SETD3: variants seen among roughly 807,000 people sequenced by gnomAD.
SETD3 encodes the protein actin-histidine N-methyltransferase.
In SETD3, 19 loss-of-function variants were observed where a neutral mutation model predicts 63.0. The observed-to-expected ratio is 0.30, with a 90% CI of 0.21 to 0.44. The LOEUF is 0.44. SETD3 is among the 20% of genes least tolerant of loss of function. SETD3 has a pLI of 1.00. For synonymous variants in SETD3, 286 were observed against 264.1 expected (o/e 1.08, Z -0.80); for missense variants, 587 against 728.5 (o/e 0.81, Z 2.24).
At chr14:99,484,556 T>C (rs773492839), upstream of SETD3, among the ~76,000 whole-genome samples, 2 of 152,260 alleles carry the variant, frequency 1.3e-5, no homozygotes, top group Non-Finnish European at 2.9e-5. Context: ...CAAGGCTTAG[T>C]TTAAGGACCC....
intron 8 of SETD3, chr14:99,410,205 T>C (rs1381081117): frequency 2.5e-6 from 4 of 1,613,510 alleles, no homozygotes; most frequent in Non-Finnish European, 3.4e-6. Context: ...AGCGAAGGAA[T>C]CTTCTGGTGT....
intron 4 of SETD3, among the ~76,000 whole-genome samples, chr14:99,460,703 GC>G (rs1895019972): frequency 6.6e-6 from 1 of 152,182 alleles, no homozygotes; most frequent in Non-Finnish European, 1.5e-5. Context: ...GGGAGAAAAA[GC>G]CCTTCTTCCT....
intron 1 of SETD3, among the ~76,000 whole-genome samples, chr14:99,470,504 G>A (rs1895642451): frequency 6.6e-6 from 1 of 152,126 alleles, no homozygotes; most frequent in African/African-American, 2.4e-5. Context: ...TATCTCCCTA[G>A]GGCACAGGAT....
chr14:99,421,894 T>C (rs1322909433), intron 6 of SETD3, among the ~76,000 whole-genome samples: 2 of 152,184 alleles, frequency 1.3e-5, no homozygotes, highest in African/African-American at 2.4e-5. Flanking sequence ...TAAATAGTCT[T>C]ATAAAGTCTA....
At chr14:99,437,664 C>T (rs1028246800) in intron 6 of SETD3, among the ~76,000 whole-genome samples, 5 of 151,994 alleles carry the variant, frequency 3.3e-5, no homozygotes, top group South Asian at 2.1e-4. Context: ...GATGTGTGTG[C>T]GTGCCTGTAC....
chr14:99,405,294 G>C lies in SETD3; in HGVS notation c.1002C>G (p.His334Gln), dbSNP rs769526638. Residue 334 changes from histidine to glutamine, a missense_variant, in exon 10 of 13, where the codon CAC becomes CAG. Transcript: ENST00000331768. ...CTCCAAGCTTTATTTTCACTCTGTC[G>C]TGTGAGTTATTGTCAAAGAAAAAAC... ...HSGFFFDNNS[H>Q]DRVKIKLGVS... 2 of 1,613,948 alleles carry C rather than the reference G, an allele frequency of 1.2e-6. No individual in the cohort carries two copies.
intron 9 of SETD3, 104 bp from the exon 10 acceptor site, chr14:99,405,475 T>A (rs1262304): frequency 5.9e-6 from 7 of 1,190,390 alleles, no homozygotes; most frequent in Admixed American, 5.3e-5. Context: ...ATTTAGACAC[T>A]AAATAGCTGA....
chr14:99,400,049 C>A, intron 12 of SETD3, 50 bp downstream of exon 12: 1 of 1,519,498 alleles, frequency 6.6e-7, no homozygotes, highest in South Asian at 1.3e-5. Context: ...CCTCATTAAA[C>A]ATCTTAACAA....
chr14:99,427,827 G>A (rs778048732), intron 6 of SETD3, among the ~76,000 whole-genome samples: 37 of 152,310 alleles, frequency 2.4e-4, no homozygotes, highest in South Asian at 1.2e-3. Context: ...TACATGACAC[G>A]TGCTGGAATT....
intron 1 of SETD3, among the ~76,000 whole-genome samples, chr14:99,468,136 C>T (rs1410782266): frequency 1.3e-5 from 2 of 150,076 alleles, no homozygotes; most frequent in Admixed American, 1.3e-4. Context: ...TACCACACTG[C>T]CTCTGTTTAA....
chr14:99,459,546 TCAAAA>T lies in SETD3; in HGVS notation c.346-366_346-362del, dbSNP rs1010549229. 3.3e-5 allele frequency among the ~76,000 whole-genome samples: 5 copies of T among 152,286 alleles called. 1 individual carries two copies. The highest frequency in any genetic ancestry group is 6.5e-5 in the Admixed American group (1 of 15,310). ...TTTTAAGTTCTAAAACCAGACCAAA[TCAAAA>T]CAAAATTCCTGCCTCCAACAAAAAC... On this transcript the variant is annotated intron_variant, in intron 4 of 12. Coordinates refer to ENST00000331768, the MANE Select transcript of SETD3 (RefSeq NM_032233.3).
intron 8 of SETD3, among the ~76,000 whole-genome samples, chr14:99,410,549 A>C (rs746770730): frequency 1.3e-5 from 2 of 152,198 alleles, no homozygotes; most frequent in Non-Finnish European, 2.9e-5. Flanking sequence ...TATCCTTGTC[A>C]TATCAACCGA....
chr14:99,469,650 G>A (rs1303530968), intron 1 of SETD3, among the ~76,000 whole-genome samples: 2 of 152,240 alleles, frequency 1.3e-5, no homozygotes, highest in African/African-American at 4.8e-5. Context: ...GGAGGCTCAG[G>A]TGGGAGGATC....
At chr14:99,441,558 A>G (rs1893812451) in intron 6 of SETD3, among the ~76,000 whole-genome samples, 1 of 152,240 alleles carries the variant, frequency 6.6e-6, no homozygotes, top group South Asian at 2.1e-4. Context: ...GCTAGCACAG[A>G]TGTCAGGGGG....
intron 1 of SETD3, among the ~76,000 whole-genome samples, chr14:99,468,452 G>C (rs922228778): frequency 2.6e-5 from 4 of 152,158 alleles, no homozygotes; most frequent in Non-Finnish European, 5.9e-5. Flanking sequence ...CTTCTCTTAT[G>C]TATCTAATGT....
rs941563485 is a variant in SETD3 at position 99,480,817 on chromosome 14, T to TGGCGGC, written c.-104_-99dup. 43 of 161,728 alleles carry TGGCGGC rather than the reference T, an allele frequency of 2.7e-4. No homozygotes were observed. The highest frequency in any genetic ancestry group is 4.0e-4 in the Non-Finnish European group (31 of 76,798). The allele number at this position is 161,728 out of a possible 1,614,324, so 10.0% of individuals were successfully genotyped here. A position where few individuals can be genotyped will look rare whatever the true frequency, so the allele number is the denominator to read the frequency against. ...ACCAACCCCCAGGCGGTGGCGGCGGTGGCGGCGGCGGCGGCCGGACGGGAG... is the reference window on the plus strand; with the variant it reads ...ACCAACCCCCAGGCGGTGGCGGCGGTGGCGGCGGCGGCGGCGGCGGCCGGACGGGAG... On this transcript the variant is annotated 5_prime_UTR_variant, in exon 1 of 13. Coordinates refer to ENST00000331768, the MANE Select transcript of SETD3 (RefSeq NM_032233.3).
intron 2 of SETD3, among the ~76,000 whole-genome samples, chr14:99,464,461 G>A (rs1895255110): frequency 6.6e-6 from 1 of 152,216 alleles, no homozygotes; most frequent in Non-Finnish European, 1.5e-5. Flanking sequence ...GCCTGGAACA[G>A]GCCTCAAAGA....
At chr14:99,481,440 C>G (rs149437057), upstream of SETD3, 1 of 398,712 alleles carries the variant, frequency 2.5e-6, no homozygotes, top group Non-Finnish European at 4.4e-6. Context: ...CCGCAGTCGG[C>G]AAGGAGAGAC....
chr14:99,423,673 T>C (rs924382223), intron 6 of SETD3, among the ~76,000 whole-genome samples: 9 of 149,538 alleles, frequency 6.0e-5, no homozygotes, highest in African/African-American at 2.2e-4. Context: ...TAAGATATGT[T>C]AGAAAAAAAG....
Sources: allele counts gnomAD v4.1 joint callset (sites outside exome capture counted in the v4.1 genomes callset), GRCh38; gene constraint gnomAD v4.1.1; transcripts MANE v1.5; gene names NCBI Gene and HGNC (gene_info 2026-07-23, HGNC 2026-07-21).